Variants in SEPTIN12 observed in about 807,000 individuals in gnomAD.
SEPTIN12 encodes the protein septin 12.
SEPTIN12 carries 42 observed loss-of-function variants against 37.7 expected under a neutral mutation model. The observed-to-expected ratio is 1.11, with a 90% CI of 0.87 to 1.44. The LOEUF (loss-of-function observed/expected upper bound fraction) is 1.44, where lower values mean the gene tolerates loss of function less well. SEPTIN12 is among the 40% of genes most tolerant of loss of function. The pLI is 0.00. For missense variants in SEPTIN12, 613 were observed against 479.2 expected, an observed-to-expected ratio of 1.28 and a Z score of -2.61; for synonymous variants, 254 against 196.7, an observed-to-expected ratio of 1.29 and a Z score of -2.44.
rs1364846142 is a variant in SEPTIN12, at chr16:4,785,898, G to A, written c.293-10C>T. 1 of 1,583,350 alleles carries A rather than the reference G, an allele frequency of 6.3e-7. No homozygotes were observed. The highest frequency in any genetic ancestry group is 8.6e-7 in the Non-Finnish European group (1 of 1,159,546). The stretch of plus-strand genomic sequence containing the variant: ...CCCTTCTCCTCTATGACTGTGGAGG[G>A]AGAGCAGAGTCGGGAGAGACTGGAC... On this transcript the variant is annotated splice_polypyrimidine_tract_variant and intron_variant, in intron 3 of 9. Transcript: ENST00000268231.
At chr16:4,787,922 G>A (rs1350112291) in intron 1 of SEPTIN12, 3 of 378,716 alleles carry the variant, frequency 7.9e-6, no homozygotes, top group Non-Finnish European at 1.4e-5. Flanking sequence ...CCCACCTACA[G>A]CCCAGGCAGG....
chr16:4,790,491 C>A (rs1269804533), upstream of SEPTIN12, among the ~76,000 whole-genome samples: 1 of 152,146 alleles, frequency 6.6e-6, no homozygotes, highest in African/African-American at 2.4e-5. Context: ...ACCTTAAAGG[C>A]TTAGAGGCTA....
At chr16:4,789,593 TG>T (rs1330910963), upstream of SEPTIN12, among the ~76,000 whole-genome samples, 2 of 152,192 alleles carry the variant, frequency 1.3e-5, no homozygotes, top group Non-Finnish European at 2.9e-5. Flanking sequence ...CCCAAAGTGC[TG>T]GGATTACAGG....
chr16:4,791,584 A>G (rs1339709926), upstream of SEPTIN12, among the ~76,000 whole-genome samples: 3 of 152,242 alleles, frequency 2.0e-5, no homozygotes, highest in East Asian at 5.8e-4. Context: ...TATGGCATGC[A>G]ATCGAACCTG....
chr16:4,787,720 C>T, intron 1 of SEPTIN12, 53 bp from the exon 2 acceptor site: 2 of 737,214 alleles, frequency 2.7e-6, no homozygotes, highest in South Asian at 3.4e-5. Context: ...GAGGAGCCCA[C>T]ATTGACCTCT....
At position 4,788,322 on chromosome 16, in the gene SEPTIN12, G is replaced by A. The variant is rs3827527; in HGVS notation, c.-65C>T. The A allele has an allele frequency of 0.25, 37,801 of 153,188 alleles. 5,024 individuals carry two copies. The highest frequency in any genetic ancestry group is 0.41 in the South Asian group (1,980 of 4,834). 9.5% of individuals were successfully genotyped at this position (153,188 alleles called of 1,614,324 possible). On this transcript the variant is annotated 5_prime_UTR_variant, in exon 1 of 10. Transcript: ENST00000268231. The stretch of plus-strand genomic sequence containing the variant: ...TGGTGGAGCTTCCAGGAGCTGCCTT[G>A]TCCTGGCAGGGCCTGGTGTGTGTGA...
Position 4,785,801 on chromosome 16 carries a change from A to G in SEPTIN12, c.374+6T>C. On this transcript the variant is annotated splice_donor_region_variant and intron_variant, in intron 4 of 9. Transcript: ENST00000268231. ...CTAAAAAAAAAAAAAAAGAGAGAGA[A>G]CCTACCAGTTGTCATTGTTGATCTG... 1 of 1,592,538 alleles carries G rather than the reference A, an allele frequency of 6.3e-7. No homozygotes were observed. The highest frequency in any genetic ancestry group is 8.6e-7 in the Non-Finnish European group (1 of 1,165,066).
chr16:4,787,772 C>T (rs1489790502), intron 1 of SEPTIN12, 105 bp from the exon 2 acceptor site: 1 of 611,564 alleles, frequency 1.6e-6, no homozygotes, highest in African/African-American at 1.8e-5. Flanking sequence ...TGGCCAACCC[C>T]CTCCACACTT....
At chr16:4,786,768 C>A (rs2082457479) in intron 2 of SEPTIN12, among the ~76,000 whole-genome samples, 1 of 151,570 alleles carries the variant, frequency 6.6e-6, no homozygotes. Context: ...CACCTCAGCC[C>A]CCCAAGTAGC....
chr16:4,784,171 T>A, intron 4 of SEPTIN12, 103 bp from the exon 5 acceptor site: 1 of 1,396,996 alleles, frequency 7.2e-7, no homozygotes, highest in Admixed American at 1.8e-5. Flanking sequence ...GGACGACGAA[T>A]CGTCCCGGTT....
At chr16:4,784,689 A>T (rs2082414656) in intron 4 of SEPTIN12, among the ~76,000 whole-genome samples, 1 of 149,200 alleles carries the variant, frequency 6.7e-6, no homozygotes, top group African/African-American at 2.5e-5. Context: ...AGGGTCCTTG[A>T]GCTTGGGGAG....
At chr16:4,779,062 C>T (rs1260960642) in intron 8 of SEPTIN12, among the ~76,000 whole-genome samples, 2 of 150,940 alleles carry the variant, frequency 1.3e-5, no homozygotes, top group African/African-American at 2.4e-5. Flanking sequence ...CACTTGAACC[C>T]AGGAGGCGGA....
chr16:4,778,214 C>T, intron 8 of SEPTIN12, 77 bp from the exon 9 acceptor site: 1 of 1,439,656 alleles, frequency 6.9e-7, no homozygotes, highest in Non-Finnish European at 9.8e-7. Context: ...CCACCTGACA[C>T]CATTTCCCTT....
upstream of SEPTIN12, among the ~76,000 whole-genome samples, chr16:4,790,697 G>A (rs1052957373): frequency 5.3e-5 from 8 of 152,226 alleles, no homozygotes; most frequent in South Asian, 2.1e-4. Flanking sequence ...CTGAGGCAGG[G>A]AGAATAGCTT....
At chr16:4,791,081 C>G (rs1386917764), upstream of SEPTIN12, among the ~76,000 whole-genome samples, 1 of 152,174 alleles carries the variant, frequency 6.6e-6, no homozygotes, top group Non-Finnish European at 1.5e-5. Flanking sequence ...GGGGATGTCC[C>G]CTAAGGAAAT....
At chr16:4,783,286 T>G in intron 7 of SEPTIN12, 176 bp downstream of exon 7, 1 of 624,212 alleles carries the variant, frequency 1.6e-6, no homozygotes, top group Non-Finnish European at 2.9e-6. Flanking sequence ...ATTCTGTGGG[T>G]TGTTAGTGTG....
chr16:4,784,360 G>C, intron 4 of SEPTIN12: 1 of 390,630 alleles, frequency 2.6e-6, no homozygotes, highest in Non-Finnish European at 4.8e-6. Context: ...CCACAGCTGG[G>C]CCCAAACCAC....
intron 8 of SEPTIN12, 48 bp from the exon 9 acceptor site, chr16:4,778,185 T>TG: frequency 6.3e-7 from 1 of 1,594,040 alleles, no homozygotes; most frequent in Non-Finnish European, 8.6e-7. Flanking sequence ...GAGCACTGAG[T>TG]AAGTGCCTAC....
rs1267547741 is a variant in SEPTIN12 at position 4,783,779 on chromosome 16, G to A, written c.513-13C>T. The A allele has an allele frequency of 1.9e-6, 3 of 1,612,168 alleles. No homozygotes were observed. In the South Asian group the frequency reaches 3.3e-5, roughly 18 times the overall value. On this transcript the variant is annotated splice_polypyrimidine_tract_variant and intron_variant, in intron 5 of 9. Transcript: ENST00000268231. ...CAGGGGCCGCAGGCTGCCGGAGGCA[G>A]GGCAGTGATGGGGGTGGCGGTGGTG...
Sources: gnomAD v4.1 joint callset for allele counts (sites outside exome capture counted in the v4.1 genomes callset) on GRCh38, gnomAD v4.1.1 for gene constraint, MANE v1.5 for transcripts, NCBI Gene and HGNC (gene_info 2026-07-23, HGNC 2026-07-21) for gene names.